The following FER variants were observed in gnomAD, a reference collection of about 807,000 sequenced individuals.
FER encodes tyrosine-protein kinase Fer.
FER carries 63 observed loss-of-function variants against 111.0 expected under a neutral mutation model. That is an observed-to-expected ratio of 0.57 (90% confidence interval 0.46 to 0.70). FER has a LOEUF of 0.70. FER is among the 30% of genes least tolerant of loss of function. The probability of loss-of-function intolerance (pLI) is 0.00; values close to 1 mark genes in which losing one functional copy is unlikely to be tolerated. For synonymous variants in FER, 327 were observed against 313.9 expected, an observed-to-expected ratio of 1.04 and a Z score of -0.44; for missense variants, 914 against 954.0, an observed-to-expected ratio of 0.96 and a Z score of 0.55.
chr5:109,109,345 A>G (rs77915215), intron 17 of FER, among the ~76,000 whole-genome samples: 15,891 of 152,136 alleles, frequency 0.1, 828 homozygotes, highest in Non-Finnish European at 0.12. Flanking sequence ...GTATTTATAT[A>G]GACACATATG....
In FER at chr5:109,047,210, T is replaced by G. The variant is rs1471082435; in HGVS notation, c.1924+12T>G. 5.4e-6 allele frequency: 8 copies of G among 1,479,562 alleles called. No individual in the cohort carries two copies. The South Asian group carries it at 9.5e-5, about 18-fold the overall frequency. 91.7% of individuals were successfully genotyped at this position (1,479,562 alleles called of 1,614,324 possible). ...GGAACTGGTTTCAGGTAATGTGATC[T>G]GAGAATTTTTGCATGATGACATTTT... is the stretch of plus-strand genomic sequence containing the variant. On this transcript the variant is annotated intron_variant, in intron 16 of 19. Coordinates refer to ENST00000281092, the MANE Select transcript of FER (RefSeq NM_005246.4).
At chr5:108,833,857 G>C (rs1443137888) in intron 4 of FER, among the ~76,000 whole-genome samples, 1 of 147,474 alleles carries the variant, frequency 6.8e-6, no homozygotes, top group Non-Finnish European at 1.5e-5. Context: ...CTGGGCATCA[G>C]AGCAAGACTC....
intron 14 of FER, among the ~76,000 whole-genome samples, chr5:109,039,645 G>A (rs1032452926): frequency 6.6e-6 from 1 of 151,942 alleles, no homozygotes; most frequent in African/African-American, 2.4e-5. Flanking sequence ...AGGGAAGAGG[G>A]GTCTATGCAG....
At chr5:109,090,897 A>G (rs1225408319) in intron 16 of FER, among the ~76,000 whole-genome samples, 1 of 152,212 alleles carries the variant, frequency 6.6e-6, no homozygotes, top group African/African-American at 2.4e-5. Flanking sequence ...TTCAAAGGAT[A>G]AAAGTAAGAG....
intron 10 of FER, among the ~76,000 whole-genome samples, chr5:108,939,573 A>T (rs1216359532): frequency 6.6e-6 from 1 of 152,076 alleles, no homozygotes; most frequent in African/African-American, 2.4e-5. Flanking sequence ...CTACAGTGTG[A>T]CAGTTTCTCT....
intron 16 of FER, among the ~76,000 whole-genome samples, chr5:109,058,616 C>T (rs1351850154): frequency 6.7e-6 from 1 of 149,522 alleles, no homozygotes; most frequent in African/African-American, 2.5e-5. Flanking sequence ...TAGTCTTATA[C>T]AAGTTATATA....
intron 9 of FER, among the ~76,000 whole-genome samples, chr5:108,884,006 C>G (rs982412842): frequency 6.6e-6 from 1 of 151,944 alleles, no homozygotes; most frequent in African/African-American, 2.4e-5. Context: ...AAATATCTTC[C>G]TAGGTCCACA....
Position 109,097,421 on chromosome 5 carries a change from C to G in FER, c.1925-2975C>G, listed in dbSNP as rs565025787. Among the ~76,000 whole-genome samples, 981 of 151,678 alleles carry G rather than the reference C, an allele frequency of 6.5e-3. 6 individuals are homozygous for G. The highest frequency in any genetic ancestry group is 0.01 in the Non-Finnish European group (679 of 67,782). ...GGGGTGTGAGTTATCTTTTTTTTGC[C>G]TACTTTGAGCACCAAGATCCTTATT... is the stretch of plus-strand genomic sequence containing the variant. On this transcript the variant is annotated intron_variant, in intron 16 of 19. Transcript: ENST00000281092.
chr5:108,867,268 A>G (rs891182671), intron 5 of FER, among the ~76,000 whole-genome samples: 8 of 152,278 alleles, frequency 5.3e-5, no homozygotes, highest in African/African-American at 1.9e-4. Flanking sequence ...GGAAGGTGAG[A>G]GGAAGGAACT....
At chr5:108,819,719 C>G in intron 3 of FER, 3 of 860,570 alleles carry the variant, frequency 3.5e-6, no homozygotes, top group Non-Finnish European at 4.2e-6. Flanking sequence ...CCATCAATTC[C>G]ACCTGTTCAT....
chr5:109,130,437 C>G (rs1233516309), intron 17 of FER, among the ~76,000 whole-genome samples: 2 of 151,636 alleles, frequency 1.3e-5, no homozygotes, highest in African/African-American at 2.4e-5. Flanking sequence ...TGGCCTTGTC[C>G]AAGATATGTA....
At chr5:108,961,692 C>T (rs910494355) in intron 13 of FER, among the ~76,000 whole-genome samples, 2 of 152,048 alleles carry the variant, frequency 1.3e-5, no homozygotes, top group East Asian at 3.9e-4. Flanking sequence ...TTTAAAGGTT[C>T]ATGTTGCTCT....
Position 108,901,575 on chromosome 5 carries a change from G to T in FER, c.1236+3727G>T, listed in dbSNP as rs1232094578. On this transcript the variant is annotated intron_variant, in intron 10 of 19. Transcript: ENST00000281092. ...GCATCTTCAATGGCACACCTGTAAG[G>T]GAATATAATAAATAATAATCACTTT... 5.9e-5 allele frequency among the ~76,000 whole-genome samples: 9 copies of T among 152,062 alleles called. No individual in the cohort carries two copies. In the East Asian group the frequency reaches 1.7e-3, roughly 29 times the overall value.
intron 3 of FER, chr5:108,818,053 T>C (rs1158541642): frequency 1.3e-5 from 2 of 152,226 alleles, no homozygotes; most frequent in African/African-American, 4.8e-5. Context: ...CTTTTTATTA[T>C]GAAATAGGTG....
At chr5:108,986,151 C>T (rs573560433) in intron 13 of FER, among the ~76,000 whole-genome samples, 331 of 152,174 alleles carry the variant, frequency 2.2e-3, no homozygotes, top group African/African-American at 7.4e-3. Context: ...AAGGTGGTAT[C>T]ACATTGTGGT....
At chr5:108,843,586 G>A (rs1458734641) in intron 5 of FER, among the ~76,000 whole-genome samples, 2 of 150,514 alleles carry the variant, frequency 1.3e-5, no homozygotes, top group African/African-American at 4.9e-5. Flanking sequence ...CTGGAGTGCA[G>A]TGGTGTGATC....
In FER at chr5:109,180,789, T is replaced by C; in HGVS notation, c.2091T>C (p.Val697=). ...ACTGCCTGGTAGGTGAAAATAATGT[T>C]CTGAAAATCAGTGACTTTGGAATGT... The part of the protein sequence containing the change: ...ARNCLVGENN[V]LKISDFGMSR... The change falls in exon 18 of 20, where the codon GTT becomes GTC. Residue 697 remains valine, a synonymous_variant. Transcript: ENST00000281092. The C allele has an allele frequency of 6.2e-7, 1 of 1,613,444 alleles. No individual in the cohort carries two copies. The highest frequency in any genetic ancestry group is 8.5e-7 in the Non-Finnish European group (1 of 1,179,646).
At chr5:108,938,018 TCTCTCTCTCACACACACACA>T (rs1466238620) in intron 10 of FER, among the ~76,000 whole-genome samples, 50 of 115,282 alleles carry the variant, frequency 4.3e-4, no homozygotes, top group Middle Eastern at 4.3e-3. Flanking sequence ...TTTTTCCCTA[TCTCTCTCTCACACACACACA>T]CACACACACA....
At chr5:108,993,636 AGGGC>A (rs1230441965) in intron 13 of FER, among the ~76,000 whole-genome samples, 10 of 147,516 alleles carry the variant, frequency 6.8e-5, no homozygotes, top group South Asian at 2.2e-4. Flanking sequence ...GGCGAGGGTG[AGGGC>A]GAGGGCGAGG....
Sources: gnomAD v4.1 joint callset for allele counts (sites outside exome capture counted in the v4.1 genomes callset) on GRCh38, gnomAD v4.1.1 for gene constraint, MANE v1.5 for transcripts, NCBI Gene and HGNC (gene_info 2026-07-23, HGNC 2026-07-21) for gene names.